Variants in TRPV1 observed in about 807,000 individuals in gnomAD.
The protein encoded by TRPV1 is transient receptor potential cation channel subfamily V member 1, also known as OTRPC1.
TRPV1 carries 82 observed loss-of-function variants against 82.3 expected under a neutral mutation model. The observed-to-expected ratio is 1.00, with a 90% confidence interval of 0.83 to 1.20. The LOEUF (loss-of-function observed/expected upper bound fraction) is 1.20. TRPV1 is among the 50% of genes most tolerant of loss of function. The probability of loss-of-function intolerance (pLI) is 0.00; values close to 1 mark genes in which losing one functional copy is unlikely to be tolerated. For synonymous variants in TRPV1, 515 were observed against 467.7 expected, an observed-to-expected ratio of 1.10 and a Z score of -1.30; for missense variants, 1,067 against 1,096.8, an observed-to-expected ratio of 0.97 and a Z score of 0.38.
intron 2 of TRPV1, among the ~76,000 whole-genome samples, chr17:3,594,143 AAAAAAAAAAGAAGCAGC>A (rs1410446850): frequency 1.6e-5 from 2 of 125,502 alleles, no homozygotes; most frequent in African/African-American, 1.0e-4. Flanking sequence ...AAAAAAAAAA[AAAAAAAAAAGAAGCAGC>A]AGCAGCAGCA....
chr17:3,592,205 A>G lies in TRPV1; in HGVS notation c.146T>C (p.Leu49Pro). ...CTCCTCCGAGTCACCCTTCCCAAAG[A>G]GCCGGGTGCGGCTCTTGGCCGTGGA... ...QLSTAKSRTRLFGKGDSEEAF... is the reference protein window; with the variant it reads ...QLSTAKSRTRPFGKGDSEEAF... Residue 49 changes from leucine to proline, a missense_variant, in exon 3 of 17, where the codon CTC (leucine) becomes CCC (proline). Leu to Pro is a moderately conservative substitution (Grantham distance 98, BLOSUM62 -3). Coordinates refer to ENST00000572705, the MANE Select transcript of TRPV1 (RefSeq NM_080704.4). 1.2e-6 allele frequency: 2 copies of G among 1,612,980 alleles called. No individual in the cohort carries two copies. The highest frequency in any genetic ancestry group is 1.3e-5 in the African/African-American group (1 of 74,936).
intron 2 of TRPV1, among the ~76,000 whole-genome samples, chr17:3,596,281 T>C (rs73303323): frequency 0.16 from 24,243 of 152,100 alleles, 6,281 homozygotes; most frequent in African/African-American, 0.55. Flanking sequence ...CCCCTGCTCC[T>C]CTCTCTGCCC....
chr17:3,590,814 C>T, intron 5 of TRPV1, 150 bp downstream of exon 5: 1 of 1,126,428 alleles, frequency 8.9e-7, no homozygotes, highest in South Asian at 1.6e-5. Context: ...ATGGGAGAGG[C>T]AGGGACCCCC....
chr17:3,584,298 G>A (rs566624186), intron 9 of TRPV1, among the ~76,000 whole-genome samples: 9 of 150,242 alleles, frequency 6.0e-5, no homozygotes, highest in Non-Finnish European at 1.3e-4. Context: ...AAAAAAGAGG[G>A]AGGCTGAGGC....
chr17:3,571,496 G>A, intron 16 of TRPV1, 28 bp downstream of exon 16: 2 of 1,530,310 alleles, frequency 1.3e-6, no homozygotes, highest in Non-Finnish European at 1.8e-6. Context: ...AGCCAAGGAG[G>A]CGCCAAGCAC....
intron 14 of TRPV1, 82 bp downstream of exon 14, chr17:3,573,551 C>CCCCCCCCCCCCCCCCCCCT: frequency 1.6e-6 from 1 of 635,234 alleles, no homozygotes; most frequent in Non-Finnish European, 2.1e-6. Flanking sequence ...ACCCACCCAC[C>CCCCCCCCCCCCCCCCCCCT]TGCAGCCAGC....
chr17:3,577,120 C>A lies in TRPV1; in HGVS notation c.1780+6G>T. 1 of 1,580,988 alleles carries A rather than the reference C, an allele frequency of 6.3e-7. No homozygotes were observed. The highest frequency in any genetic ancestry group is 1.2e-5 in the South Asian group (1 of 86,022). On this transcript the variant is annotated splice_donor_region_variant and intron_variant, in intron 13 of 16. Transcript: ENST00000572705. ...GCCCTCCCCCAGCGCTGACCAAGCT[C>A]ATTACCTGTGGAAAACCCGAACAAG...
intron 16 of TRPV1, 149 bp from the exon 17 acceptor site, chr17:3,567,136 T>A: frequency 1.3e-6 from 1 of 767,072 alleles, no homozygotes; most frequent in Non-Finnish European, 2.0e-6. Context: ...GGCAGGTGGA[T>A]CACCTGAGGT....
rs201833347 is a variant in TRPV1, at chr17:3,590,022, C to T, written c.829G>A (p.Asp277Asn). The T allele has an allele frequency of 2.3e-5, 36 of 1,568,672 alleles. No homozygotes were observed. The highest frequency in any genetic ancestry group is 1.9e-4 in the East Asian group (8 of 41,956). ...CCCACCGAGTCCCTGGCGCTGATGTCGGCCGTCTGCCAGGAGTTCTGCAGC... is the reference window on the plus strand; with the variant it reads ...CCCACCGAGTCCCTGGCGCTGATGTTGGCCGTCTGCCAGGAGTTCTGCAGC... ...FLLQNSWQTA[D>N]ISARDSVGNT... The change falls in exon 7 of 17, where the codon GAC becomes AAC. Residue 277 changes from aspartate (D) to asparagine (N), a missense_variant. Asp to Asn is a conservative substitution (Grantham distance 23). Coordinates refer to ENST00000572705, the MANE Select transcript of TRPV1 (RefSeq NM_080704.4).
chr17:3,582,011 A>T (rs1335823067), intron 10 of TRPV1, among the ~76,000 whole-genome samples: 1 of 146,792 alleles, frequency 6.8e-6, no homozygotes, highest in Non-Finnish European at 1.5e-5. Context: ...TAACACGGTG[A>T]AACCCCGTCT....
At chr17:3,593,138 C>G (rs200414063) in intron 2 of TRPV1, among the ~76,000 whole-genome samples, 3,263 of 42,654 alleles carry the variant, frequency 0.076, 158 homozygotes, top group African/African-American at 0.39. Context: ...GTGTGTGTGT[C>G]TGTGTGTCTC....
chr17:3,583,308 G>A, intron 10 of TRPV1, 30 bp downstream of exon 10: 1 of 1,566,494 alleles, frequency 6.4e-7, no homozygotes, highest in Non-Finnish European at 8.7e-7. Context: ...GGTGATAATG[G>A]AAACTCACAA....
chr17:3,586,027 G>A (rs919366299), intron 8 of TRPV1, 101 bp from the exon 9 acceptor site: 2 of 1,453,828 alleles, frequency 1.4e-6, no homozygotes, highest in African/African-American at 1.4e-5. Context: ...GGCCCGCACA[G>A]TCCTCAGCCC....
chr17:3,567,647 G>A (rs1205130304), intron 16 of TRPV1, among the ~76,000 whole-genome samples: 4 of 152,002 alleles, frequency 2.6e-5, no homozygotes, highest in South Asian at 2.1e-4. Flanking sequence ...ACAGAGCAAC[G>A]CCGAGGCCTG....
intron 9 of TRPV1, 166 bp downstream of exon 9, chr17:3,585,602 G>A: frequency 1.2e-6 from 1 of 804,946 alleles, no homozygotes; most frequent in South Asian, 1.8e-5. Flanking sequence ...GGGGAGATGG[G>A]CGCAGGGATA....
At chr17:3,588,603 T>G (rs916093123) in intron 7 of TRPV1, among the ~76,000 whole-genome samples, 1 of 151,314 alleles carries the variant, frequency 6.6e-6, no homozygotes, top group African/African-American at 2.4e-5. Flanking sequence ...GAGGTCAGGA[T>G]TTTGAGACCA....
intron 12 of TRPV1, 150 bp downstream of exon 12, chr17:3,577,448 A>G (rs2074948479): frequency 9.1e-7 from 1 of 1,097,720 alleles, no homozygotes; most frequent in East Asian, 2.6e-5. Context: ...GGTCAGGGCC[A>G]GATTGCTTGA....
At chr17:3,594,916 G>C (rs992108068) in intron 2 of TRPV1, among the ~76,000 whole-genome samples, 1 of 152,178 alleles carries the variant, frequency 6.6e-6, no homozygotes, top group Non-Finnish European at 1.5e-5. Flanking sequence ...TAGAGCAGCT[G>C]AAGAACGGGA....
At chr17:3,575,797 T>C (rs939124678) in intron 13 of TRPV1, among the ~76,000 whole-genome samples, 1 of 152,016 alleles carries the variant, frequency 6.6e-6, no homozygotes, top group Non-Finnish European at 1.5e-5. Context: ...TGGCCAAAAA[T>C]GCATGCCTGG....
Sources: allele counts gnomAD v4.1 joint callset (sites outside exome capture counted in the v4.1 genomes callset), GRCh38; gene constraint gnomAD v4.1.1; transcripts MANE v1.5; gene names NCBI Gene and HGNC (gene_info 2026-07-23, HGNC 2026-07-21).